HIVEP1: variants seen among roughly 807,000 people sequenced by gnomAD.
HIVEP1 encodes zinc finger protein 40.
Under a neutral mutation model 180.0 loss-of-function variants are expected in HIVEP1, and 36 were observed. The ratio of observed to expected loss-of-function variants is 0.20; its 90% CI spans 0.15 to 0.26. HIVEP1 has a LOEUF of 0.26. HIVEP1 is among the 10% of genes least tolerant of loss of function. HIVEP1 has a pLI of 1.00. For missense variants in HIVEP1, 3,143 were observed against 3,268.7 expected, an observed-to-expected ratio of 0.96 and a Z score of 0.94; for synonymous variants, 1,239 against 1,239.0, an observed-to-expected ratio of 1.00 and a Z score of 0.00.
intron 2 of HIVEP1, among the ~76,000 whole-genome samples, chr6:12,087,752 C>T (rs1218679031): frequency 6.6e-6 from 1 of 151,968 alleles, no homozygotes; most frequent in Non-Finnish European, 1.5e-5. Context: ...TGTTTTTTTC[C>T]AGGACTATTT....
intron 2 of HIVEP1, among the ~76,000 whole-genome samples, chr6:12,049,714 A>T (rs1770376426): frequency 1.3e-5 from 2 of 152,310 alleles, no homozygotes; most frequent in South Asian, 4.1e-4. Context: ...TTTAAAAACA[A>T]ATTTGTGGAT....
At chr6:12,071,010 AT>A (rs1185947298) in intron 2 of HIVEP1, among the ~76,000 whole-genome samples, 1 of 152,234 alleles carries the variant, frequency 6.6e-6, no homozygotes, top group African/African-American at 2.4e-5. Context: ...GAGACTCTGA[AT>A]TACAAATCAG....
chr6:12,041,989 C>T (rs1002985446), intron 2 of HIVEP1, among the ~76,000 whole-genome samples: 1 of 149,268 alleles, frequency 6.7e-6, no homozygotes, highest in Non-Finnish European at 1.5e-5. Context: ...TTCAGTTTTG[C>T]TTTTATTTTT....
chr6:12,046,123 A>G (rs1161527189), intron 2 of HIVEP1, among the ~76,000 whole-genome samples: 5 of 152,232 alleles, frequency 3.3e-5, no homozygotes, highest in Non-Finnish European at 5.9e-5. Context: ...GAGAAAAATT[A>G]CACCTTGATT....
At chr6:12,065,036 T>C (rs1771479493) in intron 2 of HIVEP1, among the ~76,000 whole-genome samples, 2 of 152,146 alleles carry the variant, frequency 1.3e-5, no homozygotes, top group Non-Finnish European at 2.9e-5. Context: ...TCACACATAA[T>C]AGATAATTTA....
chr6:12,064,947 G>A (rs1771470986), intron 2 of HIVEP1, among the ~76,000 whole-genome samples: 1 of 152,186 alleles, frequency 6.6e-6, no homozygotes, highest in African/African-American at 2.4e-5. Context: ...CATATGCTGT[G>A]TTTCTAGGGC....
At chr6:12,109,292 C>T (rs547670953) in intron 3 of HIVEP1, among the ~76,000 whole-genome samples, 4 of 152,364 alleles carry the variant, frequency 2.6e-5, no homozygotes, top group South Asian at 4.1e-4. Context: ...AGGGCCCGGC[C>T]GCCATTTCTT....
At chr6:12,149,127 G>A (rs1008266234) in intron 7 of HIVEP1, among the ~76,000 whole-genome samples, 6 of 152,114 alleles carry the variant, frequency 3.9e-5, no homozygotes, top group Admixed American at 2.0e-4. Flanking sequence ...GGGTCCTGCC[G>A]CATGTGAAGA....
At chr6:12,127,173 AAAATT>A (rs1758131424) in intron 4 of HIVEP1, among the ~76,000 whole-genome samples, 1 of 152,224 alleles carries the variant, frequency 6.6e-6, no homozygotes, top group South Asian at 2.1e-4. Context: ...AATAAAAAAA[AAAATT>A]AATAATACAC....
chr6:12,046,204 C>CA (rs1581570852), intron 2 of HIVEP1, among the ~76,000 whole-genome samples: 2 of 152,158 alleles, frequency 1.3e-5, no homozygotes, highest in East Asian at 3.8e-4. Flanking sequence ...TATGTGTTTA[C>CA]AAACACTTTG....
the HIVEP1 span, among the ~76,000 whole-genome samples, chr6:12,184,063 T>TA: frequency 2.0e-4 from 27 of 136,390 alleles, no homozygotes; most frequent in Non-Finnish European, 3.2e-4. Context: ...ACAGACAGAC[T>TA]GATTTGGGGG....
chr6:12,069,216 G>T (rs1771803767), intron 2 of HIVEP1, among the ~76,000 whole-genome samples: 1 of 152,194 alleles, frequency 6.6e-6, no homozygotes, highest in Non-Finnish European at 1.5e-5. Context: ...TGCACAGCAT[G>T]TTCATTTACT....
intron 3 of HIVEP1, among the ~76,000 whole-genome samples, chr6:12,115,774 C>T (rs990637783): frequency 1.3e-5 from 2 of 151,938 alleles, no homozygotes; most frequent in African/African-American, 4.8e-5. Context: ...TAAAAACAAA[C>T]ATGCAAAATG....
At chr6:12,113,696 G>A (rs911219500) in intron 3 of HIVEP1, among the ~76,000 whole-genome samples, 3 of 152,228 alleles carry the variant, frequency 2.0e-5, no homozygotes, top group Non-Finnish European at 4.4e-5. Flanking sequence ...TCTACTAATA[G>A]ATGAACAGCA....
the HIVEP1 span, among the ~76,000 whole-genome samples, chr6:12,183,058 C>T: frequency 0.024 from 3,710 of 152,194 alleles, 72 homozygotes; most frequent in Non-Finnish European, 0.038. Context: ...TATCACAGGA[C>T]ATTTAAAGGG....
At chr6:12,100,150 A>G (rs2113388197) in intron 3 of HIVEP1, among the ~76,000 whole-genome samples, 1 of 152,228 alleles carries the variant, frequency 6.6e-6, no homozygotes, top group Middle Eastern at 3.4e-3. Flanking sequence ...TCCTGGTGGT[A>G]GAAATGTTAA....
intron 3 of HIVEP1, among the ~76,000 whole-genome samples, chr6:12,093,968 G>C (rs1231676153): frequency 6.6e-6 from 1 of 151,918 alleles, no homozygotes; most frequent in African/African-American, 2.4e-5. Flanking sequence ...TGAATCTGGG[G>C]CAAACTGACC....
At chr6:12,160,320 CTT>C (rs1040180026) in intron 7 of HIVEP1, among the ~76,000 whole-genome samples, 1 of 152,172 alleles carries the variant, frequency 6.6e-6, no homozygotes, top group Non-Finnish European at 1.5e-5. Context: ...ATACTAACGA[CTT>C]TTAGATAATA....
intron 6 of HIVEP1, 22 bp from the exon 7 acceptor site, chr6:12,135,768 AG>A: frequency 6.8e-7 from 1 of 1,464,524 alleles, no homozygotes; most frequent in Non-Finnish European, 9.6e-7. Context: ...ACTTAAGCTT[AG>A]TAAACATTCT....
Sources: gnomAD v4.1 joint callset for allele counts (sites outside exome capture counted in the v4.1 genomes callset) on GRCh38, gnomAD v4.1.1 for gene constraint, MANE v1.5 for transcripts, NCBI Gene and HGNC (gene_info 2026-07-23, HGNC 2026-07-21) for gene names.